GTF2IRD1: variants seen among roughly 807,000 people sequenced by gnomAD.
GTF2IRD1 encodes the protein GTF2I repeat domain containing 1.
A neutral mutation model predicts 113.2 loss-of-function variants in GTF2IRD1; 26 were observed. The observed-to-expected ratio is 0.23, with a 90% CI of 0.17 to 0.32. GTF2IRD1 has a LOEUF of 0.32. Ranked by LOEUF, GTF2IRD1 falls within the 10% of genes least tolerant of loss-of-function variation. The probability of loss-of-function intolerance (pLI) is 1.00; values close to 1 mark genes in which losing one functional copy is unlikely to be tolerated. For missense variants in GTF2IRD1, 864 were observed against 1,280.8 expected, an observed-to-expected ratio of 0.67 and a Z score of 4.97; for synonymous variants, 484 against 529.1, an observed-to-expected ratio of 0.91 and a Z score of 1.17.
At chr7:74,480,275 GC>G (rs1476018046) in intron 1 of GTF2IRD1, among the ~76,000 whole-genome samples, 3 of 152,172 alleles carry the variant, frequency 2.0e-5, no homozygotes, top group Non-Finnish European at 2.9e-5. Context: ...GAGTATTGGT[GC>G]CTGTGAGCTG....
At chr7:74,511,788 C>T (rs1288543732) in intron 2 of GTF2IRD1, among the ~76,000 whole-genome samples, 2 of 152,190 alleles carry the variant, frequency 1.3e-5, no homozygotes, top group African/African-American at 4.8e-5. Context: ...TTAGACACAA[C>T]TGCCTGCCAC....
At chr7:74,499,232 G>C (rs898018361) in intron 1 of GTF2IRD1, among the ~76,000 whole-genome samples, 3 of 152,240 alleles carry the variant, frequency 2.0e-5, no homozygotes, top group Non-Finnish European at 4.4e-5. Context: ...CTGAGCTCTT[G>C]CAGGGTGGCC....
chr7:74,578,156 C>G (rs587593904), intron 22 of GTF2IRD1, among the ~76,000 whole-genome samples: 34 of 152,216 alleles, frequency 2.2e-4, no homozygotes, highest in Non-Finnish European at 4.9e-4. Flanking sequence ...TTTGCCTAAA[C>G]AAAAATTATT....
Position 74,566,640 on chromosome 7 carries a change from C to A in GTF2IRD1, c.2320+6985C>A, listed in dbSNP as rs73135401. On this transcript the variant is annotated intron_variant, in intron 22 of 26. Transcript: ENST00000424337. ...TACAGGTGTGAGCCACCATGCCTGA[C>A]CACGTCATACTTACGATTTGCCGGT... Among the ~76,000 whole-genome samples, 293 of 152,320 alleles carry A rather than the reference C, an allele frequency of 1.9e-3. 2 individuals carry two copies. Among genetic ancestry groups the A allele is most frequent in the Admixed American group, 4.2e-3 (64 of 15,288 alleles).
intron 1 of GTF2IRD1, among the ~76,000 whole-genome samples, chr7:74,478,978 G>A (rs1174464591): frequency 6.6e-6 from 1 of 151,516 alleles, no homozygotes; most frequent in Non-Finnish European, 1.5e-5. Context: ...CAAACTCCTG[G>A]GATCAGAAAC....
chr7:74,485,071 C>T (rs1794945519), intron 1 of GTF2IRD1, among the ~76,000 whole-genome samples: 1 of 152,150 alleles, frequency 6.6e-6, no homozygotes, highest in Admixed American at 6.5e-5. Flanking sequence ...GGGAGACATG[C>T]CACCTCCCGA....
At chr7:74,537,515 A>G (rs1798370435) in intron 11 of GTF2IRD1, among the ~76,000 whole-genome samples, 1 of 151,876 alleles carries the variant, frequency 6.6e-6, no homozygotes. Flanking sequence ...ATACATACAT[A>G]CCAACACCAG....
chr7:74,500,965 A>G (rs1444398861), intron 1 of GTF2IRD1, among the ~76,000 whole-genome samples: 5 of 151,916 alleles, frequency 3.3e-5, no homozygotes, highest in Non-Finnish European at 5.9e-5. Context: ...TTATGTATGT[A>G]TGTATTTATT....
chr7:74,454,426 C>T (rs1355316380), intron 1 of GTF2IRD1, among the ~76,000 whole-genome samples: 1 of 151,792 alleles, frequency 6.6e-6, no homozygotes, highest in Non-Finnish European at 1.5e-5. Flanking sequence ...TGGGAGCTGT[C>T]ACCCCCTCCC....
At chr7:74,601,394 C>A in intron 26 of GTF2IRD1, 3 of 1,498,754 alleles carry the variant, frequency 2.0e-6, no homozygotes, top group Non-Finnish European at 2.7e-6. Context: ...GGCACTCAGG[C>A]AGGAATTCAC....
Position 74,591,033 on chromosome 7 carries a change from C to G in GTF2IRD1, c.2591+16C>G. On this transcript the variant is annotated intron_variant, in intron 24 of 26. Transcript: ENST00000424337. ...ACCAGCTCCAGTGAGTGCCCGGCCTCTGGAACGGGGAACAGAGAGGGCGAG... is the reference window on the plus strand; with the variant it reads ...ACCAGCTCCAGTGAGTGCCCGGCCTGTGGAACGGGGAACAGAGAGGGCGAG... 1 of 1,590,440 alleles carries G rather than the reference C, an allele frequency of 6.3e-7. No individual in the cohort carries two copies. Among genetic ancestry groups the G allele is most frequent in the Non-Finnish European group, 8.6e-7 (1 of 1,161,954 alleles).
At chr7:74,541,195 A>T (rs1798617213) in intron 14 of GTF2IRD1, among the ~76,000 whole-genome samples, 1 of 151,944 alleles carries the variant, frequency 6.6e-6, no homozygotes, top group Admixed American at 6.6e-5. Context: ...AACAGTAAGC[A>T]AATAAGTAAA....
rs777543150 is a variant in GTF2IRD1, at chr7:74,457,281, C to T, written c.-7+3105C>T. Among the ~76,000 whole-genome samples, 4 of 152,168 alleles carry T rather than the reference C, an allele frequency of 2.6e-5. No individual in the cohort carries two copies. The East Asian group carries it at 5.8e-4, about 22-fold the overall frequency. ...CTGGGATGACAGGAGTGAACCACCG[C>T]GCCTAGCCAACATCCTTTCCTTCCT... is the stretch of plus-strand genomic sequence containing the variant. On this transcript the variant is annotated intron_variant, in intron 1 of 26. Coordinates refer to ENST00000424337, the MANE Select transcript of GTF2IRD1 (RefSeq NM_005685.4).
At chr7:74,480,182 C>G (rs1794652917) in intron 1 of GTF2IRD1, among the ~76,000 whole-genome samples, 1 of 150,532 alleles carries the variant, frequency 6.6e-6, no homozygotes, top group Non-Finnish European at 1.5e-5. Flanking sequence ...TTTTTTTGGT[C>G]ATTTTCCCTG....
intron 1 of GTF2IRD1, among the ~76,000 whole-genome samples, chr7:74,464,830 C>G (rs1554330434): frequency 6.6e-6 from 1 of 152,148 alleles, no homozygotes; most frequent in Non-Finnish European, 1.5e-5. Context: ...CCCCAAGTAC[C>G]TTTCCCCTGT....
chr7:74,601,013 C>T lies in GTF2IRD1; in HGVS notation c.2630-31C>T, dbSNP rs782067704. The T allele has an allele frequency of 5.0e-6, 8 of 1,612,626 alleles. No individual in the cohort carries two copies. In the Admixed American group the frequency reaches 1.3e-4, roughly 27 times the overall value. The stretch of plus-strand genomic sequence containing the variant: ...GCTGAGACAGAAAAGCCTCAGCTTC[C>T]AGTGTCAACAGCCTTTTCCCCTCCT... On this transcript the variant is annotated intron_variant, in intron 25 of 26. Coordinates refer to ENST00000424337, the MANE Select transcript of GTF2IRD1 (RefSeq NM_005685.4).
At position 74,575,130 on chromosome 7, in the gene GTF2IRD1, C is replaced by T. The variant is rs79508020; in HGVS notation, c.2321-14721C>T. Among the ~76,000 whole-genome samples the T allele has an allele frequency of 3.1e-3, 470 of 152,170 alleles. 9 individuals carry two copies. Among genetic ancestry groups the T allele is most frequent in the East Asian group, 0.024 (123 of 5,172 alleles). On this transcript the variant is annotated intron_variant, in intron 22 of 26. Coordinates refer to ENST00000424337, the MANE Select transcript of GTF2IRD1 (RefSeq NM_005685.4). ...CAAAAAAAACCCAGCCTCACGGAGC[C>T]TACATGGTGGGGCGGGGGGATAAAC...
At chr7:74,591,415 G>A (rs1583976313) in intron 24 of GTF2IRD1, among the ~76,000 whole-genome samples, 1 of 109,508 alleles carries the variant, frequency 9.1e-6, no homozygotes, top group Non-Finnish European at 1.7e-5. Flanking sequence ...GTCTTGCTCT[G>A]TCACCCAGTC....
intron 1 of GTF2IRD1, among the ~76,000 whole-genome samples, chr7:74,500,701 G>C (rs180715428): frequency 2.2e-4 from 34 of 152,224 alleles, no homozygotes; most frequent in Non-Finnish European, 4.3e-4. Context: ...CTGACACACA[G>C]ACACACATTG....
Sources: allele counts gnomAD v4.1 joint callset (sites outside exome capture counted in the v4.1 genomes callset), GRCh38; gene constraint gnomAD v4.1.1; transcripts MANE v1.5; gene names NCBI Gene and HGNC (gene_info 2026-07-23, HGNC 2026-07-21).